The following CEP55 variants were observed in gnomAD, a reference collection of about 807,000 sequenced individuals.
CEP55 encodes the protein centrosomal protein of 55 kDa.
A neutral mutation model predicts 63.2 loss-of-function variants in CEP55; 57 were observed. That is an observed-to-expected ratio of 0.90 (90% CI 0.73 to 1.13). CEP55 has a LOEUF of 1.13. Ranked by LOEUF, CEP55 falls within the 50% of genes most tolerant of loss-of-function variation. The probability of loss-of-function intolerance (pLI) is 0.00; values close to 1 mark genes in which losing one functional copy is unlikely to be tolerated. For missense variants in CEP55, 456 were observed against 518.9 expected, an observed-to-expected ratio of 0.88 and a Z score of 1.18; for synonymous variants, 178 against 191.6, an observed-to-expected ratio of 0.93 and a Z score of 0.59.
At chr10:93,499,567 G>A (rs1201195836) in intron 1 of CEP55, among the ~76,000 whole-genome samples, 1 of 145,014 alleles carries the variant, frequency 6.9e-6, no homozygotes, top group Non-Finnish European at 1.5e-5. Flanking sequence ...TGTCACCCAG[G>A]CTGGAGTACA....
chr10:93,502,768 C>A (rs980458730), intron 2 of CEP55, among the ~76,000 whole-genome samples: 6 of 152,186 alleles, frequency 3.9e-5, no homozygotes, highest in African/African-American at 1.4e-4. Flanking sequence ...TTTACAAGAT[C>A]CAGTGTTATG....
intron 4 of CEP55, among the ~76,000 whole-genome samples, chr10:93,514,621 T>C (rs1332573242): frequency 2.6e-5 from 4 of 152,228 alleles, no homozygotes; most frequent in Non-Finnish European, 4.4e-5. Flanking sequence ...GAGTCCTCGT[T>C]GGGCAGCAAT....
At chr10:93,506,244 A>T (rs538479919) in intron 3 of CEP55, among the ~76,000 whole-genome samples, 3 of 152,352 alleles carry the variant, frequency 2.0e-5, no homozygotes, top group African/African-American at 7.2e-5. Flanking sequence ...ACCCGGCCTA[A>T]TTAATACTAT....
intron 8 of CEP55, 64 bp from the exon 9 acceptor site, chr10:93,527,886 G>GAAA (rs34668129): frequency 2.5e-4 from 287 of 1,153,488 alleles, no homozygotes; most frequent in Non-Finnish European, 3.0e-4. Flanking sequence ...CTCAAAAAAA[G>GAAA]AAAAAAAAAA....
intron 4 of CEP55, among the ~76,000 whole-genome samples, chr10:93,511,934 A>G (rs1221554659): frequency 1.3e-5 from 2 of 151,906 alleles, no homozygotes; most frequent in Non-Finnish European, 2.9e-5. Flanking sequence ...AATAAAATAA[A>G]TAAAATAAAA....
rs2057573022 is a variant in CEP55 at position 93,496,754 on chromosome 10, G to A, written c.-182G>A. Reference sequence around the variant, plus strand: ...GCCAGGACCCGCAGCCCCGGGGCCGGGCCGGTCCGGACCGCCAGGGAGGGC... The same window carrying A: ...GCCAGGACCCGCAGCCCCGGGGCCGAGCCGGTCCGGACCGCCAGGGAGGGC... On this transcript the variant is annotated 5_prime_UTR_variant, in exon 1 of 9. Coordinates refer to ENST00000371485, the MANE Select transcript of CEP55 (RefSeq NM_018131.5). The A allele has an allele frequency of 6.6e-6, 1 of 152,282 alleles. No homozygotes were observed. Among genetic ancestry groups the A allele is most frequent in the South Asian group, 2.1e-4 (1 of 4,838 alleles). 9.4% of individuals were successfully genotyped at this position (152,282 alleles called of 1,614,324 possible).
chr10:93,523,228 A>G (rs1230469747), intron 8 of CEP55, among the ~76,000 whole-genome samples: 1 of 152,210 alleles, frequency 6.6e-6, no homozygotes, highest in Non-Finnish European at 1.5e-5. Context: ...GGCTCAAAAC[A>G]AAGGGATTGA....
intron 8 of CEP55, among the ~76,000 whole-genome samples, chr10:93,526,449 G>C (rs1447356796): frequency 6.6e-6 from 1 of 152,194 alleles, no homozygotes; most frequent in South Asian, 2.1e-4. Flanking sequence ...GTGCTGGAGA[G>C]GATGTGGAGA....
chr10:93,497,352 G>A (rs1185032981), intron 1 of CEP55, among the ~76,000 whole-genome samples: 4 of 152,100 alleles, frequency 2.6e-5, no homozygotes, highest in Non-Finnish European at 5.9e-5. Flanking sequence ...TGCAACCTCT[G>A]CCTCCTGGGT....
At position 93,503,137 on chromosome 10, in the gene CEP55, A is replaced by T. The variant is rs1422865792; in HGVS notation, c.208A>T (p.Lys70Ter). 3.7e-6 allele frequency: 6 copies of T among 1,613,554 alleles called. No individual in the cohort carries two copies. The East Asian group carries it at 1.3e-4, about 36-fold the overall frequency. ...GAAAATTCGAGTCCTTGAGGCTGAG[A>T]AGGAGAAGAATGCTTATCAACTCAC... The part of the protein sequence containing the change: ...LEKIRVLEAE[K>*]EKNAYQLTEK... Residue 70 changes from lysine to a stop codon, truncating the protein, a stop_gained, in exon 3 of 9, where the codon AAG becomes TAG. Transcript: ENST00000371485. LOFTEE classifies it high-confidence loss of function.
At chr10:93,507,132 C>T in intron 4 of CEP55, 76 bp downstream of exon 4, 1 of 814,052 alleles carries the variant, frequency 1.2e-6, no homozygotes, top group East Asian at 2.6e-5. Context: ...AAATTGGCAA[C>T]ATTAGTGCTG....
rs1355438243 is a variant in CEP55, at chr10:93,519,773, A to G, written c.1157A>G (p.Lys386Arg). Reference protein sequence around the residue: ...QLHVILKELRKARNQITQLES... With the variant: ...QLHVILKELRRARNQITQLES... ...CATGTAATTCTTAAGGAGCTCCGAAAAGCAAGAAATCAAATAACACAGTTG... is the reference window on the plus strand; with the variant it reads ...CATGTAATTCTTAAGGAGCTCCGAAGAGCAAGAAATCAAATAACACAGTTG... Residue 386 changes from lysine to arginine, a missense_variant, in exon 8 of 9, where the codon AAA (lysine) becomes AGA (arginine). By Grantham distance (26) the Lys-to-Arg change is conservative. Coordinates refer to ENST00000371485, the MANE Select transcript of CEP55 (RefSeq NM_018131.5). 8 of 1,614,144 alleles carry G rather than the reference A, an allele frequency of 5.0e-6. No individual in the cohort carries two copies. The highest frequency in any genetic ancestry group is 5.9e-6 in the Non-Finnish European group (7 of 1,180,008).
chr10:93,500,864 ATCCTCC>A (rs1362837619), intron 2 of CEP55, among the ~76,000 whole-genome samples: 7 of 152,110 alleles, frequency 4.6e-5, no homozygotes, highest in African/African-American at 1.7e-4. Flanking sequence ...GCCTCAGGCA[ATCCTCC>A]TGCCTGGGCC....
intron 8 of CEP55, among the ~76,000 whole-genome samples, chr10:93,526,436 C>G (rs1389248998): frequency 6.6e-6 from 1 of 151,954 alleles, no homozygotes; most frequent in African/African-American, 2.4e-5. Context: ...CAGGAAACAA[C>G]AGGTGCTGGA....
At chr10:93,510,919 T>G (rs1354221677) in intron 4 of CEP55, among the ~76,000 whole-genome samples, 1 of 151,486 alleles carries the variant, frequency 6.6e-6, no homozygotes, top group African/African-American at 2.4e-5. Context: ...GCGAAGACCT[T>G]TATAGCATTC....
intron 4 of CEP55, among the ~76,000 whole-genome samples, chr10:93,512,219 T>C (rs1589652243): frequency 5.0e-5 from 2 of 39,922 alleles, no homozygotes; most frequent in Non-Finnish European, 9.3e-5. Context: ...AGAGCGAGAC[T>C]CCGTTTCAAA....
At chr10:93,503,002 C>T (rs554669188) in intron 2 of CEP55, 111 bp from the exon 3 acceptor site, 183 of 1,028,704 alleles carry the variant, frequency 1.8e-4, no homozygotes, top group Non-Finnish European at 2.3e-4. Context: ...TGGTATTTAG[C>T]GTAATGCTGA....
At chr10:93,512,312 G>A (rs1466675512) in intron 4 of CEP55, among the ~76,000 whole-genome samples, 1 of 150,914 alleles carries the variant, frequency 6.6e-6, no homozygotes, top group Non-Finnish European at 1.5e-5. Flanking sequence ...ATCACCTGAG[G>A]TCAGGAGTTG....
chr10:93,505,947 G>A (rs2134463051), intron 3 of CEP55, among the ~76,000 whole-genome samples: 1 of 152,188 alleles, frequency 6.6e-6, no homozygotes, highest in South Asian at 2.1e-4. Context: ...AGCCAGGCTG[G>A]TCTTGAACTC....
Sources: gnomAD v4.1 joint callset for allele counts (sites outside exome capture counted in the v4.1 genomes callset) on GRCh38, gnomAD v4.1.1 for gene constraint, MANE v1.5 for transcripts, NCBI Gene and HGNC (gene_info 2026-07-23, HGNC 2026-07-21) for gene names.